Variants in ERBB4 observed in about 807,000 individuals in gnomAD.
ERBB4 encodes receptor tyrosine-protein kinase erbB-4.
ERBB4 carries 42 observed loss-of-function variants against 158.0 expected under a neutral mutation model. That is an observed-to-expected ratio of 0.27 (90% CI 0.21 to 0.34). The LOEUF is 0.34. Among genes scored for constraint, ERBB4 ranks in the 10% least tolerant of loss-of-function variants. The probability of loss-of-function intolerance (pLI) is 1.00; values close to 1 mark genes in which losing one functional copy is unlikely to be tolerated. For missense variants in ERBB4, 1,333 were observed against 1,624.1 expected (o/e 0.82, Z 3.08); for synonymous variants, 583 against 558.7 (o/e 1.04, Z -0.61).
chr2:212,052,864 G>A lies in ERBB4; in HGVS notation c.234+71888C>T, dbSNP rs576257187. ...ACCCCAATTTTAGTTGCTCAGAGAG[G>A]TGAATGTGAGATTATTCTTCTGTTC... On this transcript the variant is annotated intron_variant, in intron 2 of 27. Coordinates refer to ENST00000342788, the MANE Select transcript of ERBB4 (RefSeq NM_005235.3). Among the ~76,000 whole-genome samples the A allele has an allele frequency of 6.4e-4, 98 of 152,316 alleles. 2 individuals are homozygous for A. The highest frequency in any genetic ancestry group is 7.8e-4 in the Admixed American group (12 of 15,292).
intron 1 of ERBB4, among the ~76,000 whole-genome samples, chr2:212,485,066 G>A (rs771676579): frequency 2.9e-4 from 44 of 152,286 alleles, no homozygotes; most frequent in Non-Finnish European, 5.6e-4. Context: ...AAAGCTATAA[G>A]ATTACGATTT....
At chr2:212,204,126 C>T (rs961522746) in intron 1 of ERBB4, among the ~76,000 whole-genome samples, 2 of 152,084 alleles carry the variant, frequency 1.3e-5, no homozygotes, top group Admixed American at 1.3e-4. Flanking sequence ...TTTTTCTCTA[C>T]TTGTAAAATA....
chr2:211,759,899 C>T (rs2075368222), intron 4 of ERBB4, among the ~76,000 whole-genome samples: 1 of 151,480 alleles, frequency 6.6e-6, no homozygotes, highest in Non-Finnish European at 1.5e-5. Context: ...TTTCAGTTTA[C>T]ATTTTTATCC....
rs568950714 is a variant in ERBB4 at position 212,155,177 on chromosome 2, AGTCT to A, written c.83-30278_83-30275del. On this transcript the variant is annotated intron_variant, in intron 1 of 27. Transcript: ENST00000342788. ...TATTTAAAGCTTGTCTTAAGAAAAAAGTCTGTCTTTCAGAGAAAAATGTTGATGC... is the reference window on the plus strand; with the variant it reads ...TATTTAAAGCTTGTCTTAAGAAAAAAGTCTTTCAGAGAAAAATGTTGATGC... Among the ~76,000 whole-genome samples the A allele has an allele frequency of 2.2e-3, 340 of 152,276 alleles. 2 individuals carry two copies. The highest frequency in any genetic ancestry group is 3.6e-3 in the African/African-American group (150 of 41,576).
At chr2:211,553,277 C>G (rs751488393) in intron 20 of ERBB4, among the ~76,000 whole-genome samples, 1 of 152,040 alleles carries the variant, frequency 6.6e-6, no homozygotes. Context: ...CCCAATAATA[C>G]AATTTTTAAC....
intron 18 of ERBB4, among the ~76,000 whole-genome samples, chr2:211,620,574 G>A (rs980044281): frequency 6.6e-6 from 1 of 152,132 alleles, no homozygotes; most frequent in African/African-American, 2.4e-5. Context: ...TTCCTAGGCA[G>A]AATGAATAGG....
At chr2:212,312,100 A>T (rs78252118) in intron 1 of ERBB4, among the ~76,000 whole-genome samples, 2,009 of 151,122 alleles carry the variant, frequency 0.013, 50 homozygotes, top group African/African-American at 0.046. Flanking sequence ...GGATAGGCAT[A>T]GGGTCTTGAA....
chr2:211,996,789 G>A (rs2082210379), intron 2 of ERBB4, among the ~76,000 whole-genome samples: 1 of 152,172 alleles, frequency 6.6e-6, no homozygotes, highest in African/African-American at 2.4e-5. Context: ...TGGTGCCAAT[G>A]AGTAAGAGAA....
intron 3 of ERBB4, among the ~76,000 whole-genome samples, chr2:211,845,489 AAC>A (rs1004178011): frequency 1.3e-5 from 2 of 152,146 alleles, no homozygotes; most frequent in Non-Finnish European, 1.5e-5. Context: ...GCAGCCAGCT[AAC>A]ACAGTTAGCA....
At chr2:211,779,068 T>C (rs962710643) in intron 4 of ERBB4, 1 of 152,174 alleles carries the variant, frequency 6.6e-6, no homozygotes, top group Non-Finnish European at 1.5e-5. Flanking sequence ...ATGATATCAA[T>C]TGACTTCTTA....
chr2:212,143,823 T>A (rs2125611245), intron 1 of ERBB4, among the ~76,000 whole-genome samples: 2 of 151,924 alleles, frequency 1.3e-5, no homozygotes, highest in South Asian at 4.2e-4. Flanking sequence ...CGAGACTAGC[T>A]TGGCCAATAT....
At chr2:212,077,529 G>A (rs2125458733) in intron 2 of ERBB4, among the ~76,000 whole-genome samples, 1 of 151,884 alleles carries the variant, frequency 6.6e-6, no homozygotes, top group Admixed American at 6.6e-5. Context: ...AGCAAAAGAA[G>A]GAAGACACAA....
At chr2:212,263,175 C>T (rs989685896) in intron 1 of ERBB4, among the ~76,000 whole-genome samples, 2 of 152,088 alleles carry the variant, frequency 1.3e-5, no homozygotes, top group Non-Finnish European at 2.9e-5. Flanking sequence ...CAGCCACCAC[C>T]AGAAGCGAGG....
intron 2 of ERBB4, among the ~76,000 whole-genome samples, chr2:212,013,372 G>C (rs988418595): frequency 3.3e-5 from 5 of 152,160 alleles, no homozygotes; most frequent in South Asian, 2.1e-4. Context: ...ACTTGAAAGA[G>C]AGCTTGATGA....
chr2:211,792,531 C>T (rs2076298585), intron 3 of ERBB4, among the ~76,000 whole-genome samples: 1 of 151,736 alleles, frequency 6.6e-6, no homozygotes, highest in Admixed American at 6.6e-5. Context: ...CTATTTTGTA[C>T]ACAAAACTCA....
At chr2:211,582,512 A>G (rs2068134356) in intron 19 of ERBB4, among the ~76,000 whole-genome samples, 1 of 152,202 alleles carries the variant, frequency 6.6e-6, no homozygotes, top group Non-Finnish European at 1.5e-5. Context: ...GTTAAAAAAT[A>G]AAAATTTTAA....
At chr2:212,078,620 A>T (rs1296696515) in intron 2 of ERBB4, among the ~76,000 whole-genome samples, 1 of 151,918 alleles carries the variant, frequency 6.6e-6, no homozygotes, top group Non-Finnish European at 1.5e-5. Context: ...CTAATATTTA[A>T]ATGGTACTAT....
At position 211,506,830 on chromosome 2, in the gene ERBB4, T is replaced by A. The variant is rs549210139; in HGVS notation, c.2487+55073A>T. Among the ~76,000 whole-genome samples, 5 of 152,086 alleles carry A rather than the reference T, an allele frequency of 3.3e-5. No individual in the cohort carries two copies. The South Asian group carries it at 1.0e-3, about 32-fold the overall frequency. ...AAAAATCTCAAATATAATGTCACAC[T>A]TCCAACCCCAAAGCTAGCAGAATAA... On this transcript the variant is annotated intron_variant, in intron 20 of 27. Coordinates refer to ENST00000342788, the MANE Select transcript of ERBB4 (RefSeq NM_005235.3).
intron 1 of ERBB4, 150 bp from the exon 2 acceptor site, chr2:212,125,053 C>G (rs1048405611): frequency 1.2e-6 from 1 of 826,024 alleles, no homozygotes; most frequent in Non-Finnish European, 2.0e-6. Context: ...CATAGACCCA[C>G]GCACTGATGA....
Sources: allele counts gnomAD v4.1 joint callset (sites outside exome capture counted in the v4.1 genomes callset), GRCh38; gene constraint gnomAD v4.1.1; transcripts MANE v1.5; gene names NCBI Gene and HGNC (gene_info 2026-07-23, HGNC 2026-07-21).